Variants in GLG1 observed in about 807,000 individuals in gnomAD.
GLG1 encodes the protein golgi glycoprotein 1.
Under a neutral mutation model 160.5 loss-of-function variants are expected in GLG1, and 38 were observed. That is an observed-to-expected ratio of 0.24 (90% confidence interval 0.18 to 0.31). The LOEUF is 0.31. Among genes scored for constraint, GLG1 ranks in the 10% least tolerant of loss-of-function variants. The probability of loss-of-function intolerance (pLI) is 1.00; values close to 1 mark genes in which losing one functional copy is unlikely to be tolerated. For synonymous variants in GLG1, 644 were observed against 543.4 expected (o/e 1.19, Z -2.57); for missense variants, 1,373 against 1,505.2 (o/e 0.91, Z 1.45).
chr16:74,462,174 C>G lies in GLG1; in HGVS notation c.2956G>C (p.Asp986His). 6.2e-7 allele frequency: 1 copy of G among 1,602,838 alleles called. No individual in the cohort carries two copies. The highest frequency in any genetic ancestry group is 8.5e-7 in the Non-Finnish European group (1 of 1,170,178). Residue 986 changes from aspartate (D) to histidine (H), a missense_variant, in exon 22 of 26, where the codon GAC (aspartate) becomes CAC (histidine). Asp to His is a moderately conservative substitution (Grantham distance 81). This residue lies in a region of GLG1 where 491 missense variants were observed against 632.1 expected (regional missense o/e 0.78). Transcript: ENST00000422840. ...TCCTGGATAATGATTCGGATCTGGT[C>G]TTCACAGTCTGAAGACAGGCGCTGC... Reference protein sequence around the residue: ...ADQRLSSDCEDQIRIIIQESA... With the variant: ...ADQRLSSDCEHQIRIIIQESA...
rs1413204669 is a variant in GLG1, at chr16:74,480,153, A to G, written c.1827+88T>C. 4 of 1,102,598 alleles carry G rather than the reference A, an allele frequency of 3.6e-6. No individual in the cohort carries two copies. In the Admixed American group the frequency reaches 7.8e-5, roughly 22 times the overall value. 68.3% of individuals were successfully genotyped at this position (1,102,598 alleles called of 1,614,324 possible). On this transcript the variant is annotated intron_variant, in intron 11 of 25. Transcript: ENST00000422840. ...ACAAAATAGTCTAAAAAGTTTTCCT[A>G]ATATGACTGAAATCAGAAGAATATA...
At chr16:74,468,555 C>G (rs2143227366) in intron 17 of GLG1, 1 of 192,726 alleles carries the variant, frequency 5.2e-6, no homozygotes, top group Middle Eastern at 2.4e-3. Context: ...TTAGTACAGG[C>G]AGGGTTTCAT....
At chr16:74,500,288 TG>T (rs1341397450) in intron 4 of GLG1, among the ~76,000 whole-genome samples, 1 of 152,196 alleles carries the variant, frequency 6.6e-6, no homozygotes, top group African/African-American at 2.4e-5. Flanking sequence ...TACACAGGCT[TG>T]GCATATGAGT....
intron 14 of GLG1, among the ~76,000 whole-genome samples, chr16:74,472,121 G>T (rs1019190123): frequency 1.1e-4 from 17 of 152,118 alleles, no homozygotes; most frequent in Admixed American, 3.9e-4. Context: ...GCCCAGGCTG[G>T]TCTTGAAATC....
At chr16:74,496,976 A>C (rs1335998479) in intron 4 of GLG1, among the ~76,000 whole-genome samples, 1 of 152,112 alleles carries the variant, frequency 6.6e-6, no homozygotes, top group Admixed American at 6.6e-5. Context: ...AAATGTCAAA[A>C]ATTCATAAGA....
rs1435733993 is a variant in GLG1, at chr16:74,467,804, C to T, written c.2481G>A (p.Lys827=). Residue 827 remains lysine, a synonymous_variant, in exon 18 of 26, where the codon AAG becomes AAA. Coordinates refer to ENST00000422840, the MANE Select transcript of GLG1 (RefSeq NM_001145667.2). ...RLEPDLYEAC[K]SDIKNFCSAV... ...CGGAACAGAAGTTTTTGATGTCACT[C>T]TTGCAGGCTTCGTATAGATCTGGCT... 6.2e-7 allele frequency: 1 copy of T among 1,613,678 alleles called. No individual in the cohort carries two copies. The highest frequency in any genetic ancestry group is 1.3e-5 in the African/African-American group (1 of 74,922).
chr16:74,587,849 C>G (rs771341723), intron 1 of GLG1, among the ~76,000 whole-genome samples: 74 of 151,466 alleles, frequency 4.9e-4, no homozygotes, highest in Non-Finnish European at 9.0e-4. Flanking sequence ...AGTGAGACTC[C>G]GCTTCAAAAA....
intron 10 of GLG1, among the ~76,000 whole-genome samples, chr16:74,481,548 G>C (rs2015598947): frequency 1.3e-5 from 2 of 152,142 alleles, no homozygotes; most frequent in Admixed American, 6.5e-5. Context: ...GACTATTTAG[G>C]TTGAGATGGC....
chr16:74,556,884 G>A (rs1766147573), intron 1 of GLG1, among the ~76,000 whole-genome samples: 2 of 151,460 alleles, frequency 1.3e-5, no homozygotes, highest in African/African-American at 4.8e-5. Context: ...CCATATGTAG[G>A]CTGATAAGAA....
At chr16:74,570,723 C>G (rs1263503114) in intron 1 of GLG1, among the ~76,000 whole-genome samples, 1 of 152,088 alleles carries the variant, frequency 6.6e-6, no homozygotes, top group Non-Finnish European at 1.5e-5. Flanking sequence ...TAGTGGGACC[C>G]TGTCTCTATA....
intron 1 of GLG1, among the ~76,000 whole-genome samples, chr16:74,599,585 C>A (rs1958389781): frequency 6.6e-6 from 1 of 152,002 alleles, no homozygotes. Context: ...CAAGCCTCGG[C>A]CGGACACAGT....
At chr16:74,590,621 CAAAAAA>C (rs11321370) in intron 1 of GLG1, among the ~76,000 whole-genome samples, 1 of 76,256 alleles carries the variant, frequency 1.3e-5, no homozygotes, top group Non-Finnish European at 2.4e-5. Context: ...ACTCCGTCTC[CAAAAAA>C]AAAAAAAAAA....
Position 74,452,052 on chromosome 16 carries a change from A to C in GLG1, c.*1115T>G. 2 of 1,608,436 alleles carry C rather than the reference A, an allele frequency of 1.2e-6. No individual in the cohort carries two copies. Among genetic ancestry groups the C allele is most frequent in the Non-Finnish European group, 1.7e-6 (2 of 1,174,766 alleles). ...GGGAAGTTTGTCTGGAGTGTGCAGA[A>C]AGGTCAGGCTGGACTGCCTGTCACA... On this transcript the variant is annotated 3_prime_UTR_variant, in exon 26 of 26. Transcript: ENST00000422840.
intron 1 of GLG1, among the ~76,000 whole-genome samples, chr16:74,578,084 GAC>G (rs1326275808): frequency 6.6e-6 from 1 of 152,142 alleles, no homozygotes; most frequent in Non-Finnish European, 1.5e-5. Flanking sequence ...GAATGAGTAA[GAC>G]ACAATTTTGG....
intron 1 of GLG1, among the ~76,000 whole-genome samples, chr16:74,540,485 T>C (rs1234480672): frequency 1.3e-5 from 2 of 151,922 alleles, no homozygotes; most frequent in African/African-American, 2.4e-5. Flanking sequence ...TTTCTTTTCA[T>C]ATACAGAGCT....
intron 3 of GLG1, among the ~76,000 whole-genome samples, chr16:74,506,598 A>AAAAAAAAGC (rs768101788): frequency 2.1e-5 from 3 of 144,578 alleles, no homozygotes; most frequent in African/African-American, 8.0e-5. Context: ...AAAAAAAAAA[A>AAAAAAAAGC]AAAAAACTCA....
At chr16:74,570,023 AG>A (rs1205238546) in intron 1 of GLG1, among the ~76,000 whole-genome samples, 1 of 151,894 alleles carries the variant, frequency 6.6e-6, no homozygotes, top group Non-Finnish European at 1.5e-5. Context: ...CTCAAAAAAA[AG>A]AAAAGGAAAG....
rs545697207 is a variant in GLG1 at position 74,513,639 on chromosome 16, C to T, written c.472-4714G>A. On this transcript the variant is annotated intron_variant, in intron 2 of 25. Transcript: ENST00000422840. ...AAAAAGGACATCCACACCAAGACCCCATTCGTAGGTCACCAACATCAAAGA... is the reference window on the plus strand; with the variant it reads ...AAAAAGGACATCCACACCAAGACCCTATTCGTAGGTCACCAACATCAAAGA... 1.5e-3 allele frequency among the ~76,000 whole-genome samples: 221 copies of T among 152,236 alleles called. 1 individual carries two copies. The South Asian group carries it at 0.016, about 11-fold the overall frequency.
rs1474067649 is a variant in GLG1 at position 74,459,666 on chromosome 16, A to C, written c.3144+16T>G. The C allele has an allele frequency of 1.6e-6, 2 of 1,214,426 alleles. No individual in the cohort carries two copies. Among genetic ancestry groups the C allele is most frequent in the South Asian group, 2.6e-5 (2 of 77,554 alleles). The allele number at this position is 1,214,426 out of a possible 1,614,324, so 75.2% of individuals were successfully genotyped here. ...AAAAAGAAATGAAGTGAGGAAAAGA[A>C]GGTGACGGTGGTTACCTTTTTACAC... On this transcript the variant is annotated intron_variant, in intron 23 of 25. Coordinates refer to ENST00000422840, the MANE Select transcript of GLG1 (RefSeq NM_001145667.2).
Sources: allele counts gnomAD v4.1 joint callset (sites outside exome capture counted in the v4.1 genomes callset), GRCh38; gene constraint gnomAD v4.1.1; regional missense constraint gnomAD v4.1.1; transcripts MANE v1.5; gene names NCBI Gene and HGNC (gene_info 2026-07-23, HGNC 2026-07-21).